Variants in KRT7 observed in about 807,000 individuals in gnomAD.
KRT7 encodes keratin, type II cytoskeletal 7.
In KRT7, 50 loss-of-function variants were observed where a neutral mutation model predicts 42.8. The observed-to-expected ratio is 1.17, with a 90% confidence interval of 0.93 to 1.48. The LOEUF (loss-of-function observed/expected upper bound fraction) is 1.48, where lower values mean the gene tolerates loss of function less well. Among genes scored for constraint, KRT7 ranks in the 40% most tolerant of loss-of-function variants. The probability of loss-of-function intolerance (pLI) is 0.00; values close to 1 mark genes in which losing one functional copy is unlikely to be tolerated. For missense variants in KRT7, 588 were observed against 637.6 expected (o/e 0.92, Z 0.84); for synonymous variants, 268 against 266.3 (o/e 1.01, Z -0.06).
chr12:52,242,797 C>T (rs555363360), intron 5 of KRT7, among the ~76,000 whole-genome samples: 5 of 152,206 alleles, frequency 3.3e-5, no homozygotes, highest in East Asian at 3.9e-4. Flanking sequence ...GATGGGACTG[C>T]GGAGCCTTGT....
At chr12:52,239,001 A>C (rs1301126194) in intron 4 of KRT7, among the ~76,000 whole-genome samples, 1 of 152,238 alleles carries the variant, frequency 6.6e-6, no homozygotes, top group Non-Finnish European at 1.5e-5. Flanking sequence ...CATGCCCAGC[A>C]CAGCCACAAC....
At position 52,233,381 on chromosome 12, in the gene KRT7, G is replaced by C; in HGVS notation, c.85G>C (p.Ala29Pro). ...CGGCGCCCAGGTGCGCCTGAGCTCC[G>C]CTCGCCCCGGCGGCCTTGGCAGCAG... is the stretch of plus-strand genomic sequence containing the variant. ...GRGAQVRLSS[A>P]RPGGLGSSSL... is the part of the protein sequence containing the mutation. Residue 29 changes from alanine (A) to proline (P), a missense_variant, in exon 1 of 9, where the codon GCT becomes CCT. Transcript: ENST00000331817. 1 of 1,567,838 alleles carries C rather than the reference G, an allele frequency of 6.4e-7. No homozygotes were observed. Among genetic ancestry groups the C allele is most frequent in the Non-Finnish European group, 8.6e-7 (1 of 1,163,302 alleles).
At chr12:52,245,826 G>C in intron 7 of KRT7, 194 bp downstream of exon 7, 1 of 695,278 alleles carries the variant, frequency 1.4e-6, no homozygotes, top group South Asian at 1.9e-5. Context: ...AAAGACCATG[G>C]AGTGTGAAGC....
At chr12:52,255,229 C>T, downstream of KRT7, 1 of 402,136 alleles carries the variant, frequency 2.5e-6, no homozygotes, top group Non-Finnish European at 5.0e-6. Flanking sequence ...CCCTCCACCT[C>T]TCCGAACTAC....
rs748629339 is a variant in KRT7, at chr12:52,233,447, G to A, written c.151G>A (p.Val51Met). 2.5e-6 allele frequency: 4 copies of A among 1,584,100 alleles called. No individual in the cohort carries two copies. Among genetic ancestry groups the A allele is most frequent in the Non-Finnish European group, 2.6e-6 (3 of 1,170,202 alleles). ...GLGASRPRVA[V>M]RSAYGGPVGA... ...CGGCGCCTCACGGCCGCGCGTGGCCGTGCGCTCTGCCTATGGGGGCCCGGT... is the reference window on the plus strand; with the variant it reads ...CGGCGCCTCACGGCCGCGCGTGGCCATGCGCTCTGCCTATGGGGGCCCGGT... Residue 51 changes from valine to methionine, a missense_variant, in exon 1 of 9, where the codon GTG becomes ATG. Transcript: ENST00000331817.
chr12:52,241,980 T>C (rs1970724), intron 5 of KRT7: 33,875 of 154,256 alleles, frequency 0.22, 3,950 homozygotes, highest in Middle Eastern at 0.27. Flanking sequence ...ATTTTATTTC[T>C]ATTTTTTGAG....
chr12:52,236,290 G>A (rs1174380210), intron 2 of KRT7, among the ~76,000 whole-genome samples: 1 of 152,062 alleles, frequency 6.6e-6, no homozygotes, highest in African/African-American at 2.4e-5. Context: ...TAGGGAAGGT[G>A]TGGGGCCATC....
At chr12:52,253,614 C>T (rs1367264742), downstream of KRT7, 2 of 1,577,248 alleles carry the variant, frequency 1.3e-6, no homozygotes, top group African/African-American at 1.3e-5. Context: ...GCTGCGGTAC[C>T]AGGACTCGGC....
At chr12:52,241,755 T>A in intron 5 of KRT7, 119 bp downstream of exon 5, 1 of 868,844 alleles carries the variant, frequency 1.2e-6, no homozygotes, top group Admixed American at 2.8e-5. Context: ...CAGGCACCAG[T>A]GGTTTAAGTC....
At chr12:52,238,096 C>T (rs1396489506) in intron 3 of KRT7, among the ~76,000 whole-genome samples, 2 of 152,160 alleles carry the variant, frequency 1.3e-5, no homozygotes, top group Non-Finnish European at 2.9e-5. Flanking sequence ...CAACTTGCCC[C>T]TGGGAGCTGG....
intron 2 of KRT7, among the ~76,000 whole-genome samples, chr12:52,236,201 C>CCA (rs1942010019): frequency 6.7e-6 from 1 of 150,362 alleles, no homozygotes; most frequent in African/African-American, 2.5e-5. Context: ...TGGAGTGCCC[C>CCA]CCCCCAACAC....
downstream of KRT7, chr12:52,250,525 C>G (rs555607269): frequency 1.7e-3 from 1,494 of 863,582 alleles, 21 homozygotes; most frequent in African/African-American, 0.023. Flanking sequence ...GCACACAGGC[C>G]GGTGCTCACC....
At chr12:52,255,736 CCTCCTTCTTACTTCCTTA>C (rs1026146874), downstream of KRT7, among the ~76,000 whole-genome samples, 4 of 152,206 alleles carry the variant, frequency 2.6e-5, no homozygotes, top group Admixed American at 2.6e-4. Flanking sequence ...TCTCCTTTCT[CCTCCTTCTTACTTCCTTA>C]CTCCTTTCCC....
intron 6 of KRT7, chr12:52,245,120 C>T: frequency 1.9e-6 from 1 of 524,820 alleles, no homozygotes; most frequent in Non-Finnish European, 3.4e-6. Context: ...TGTATATTAT[C>T]TCATTTCATC....
intron 1 of KRT7, 71 bp from the exon 2 acceptor site, chr12:52,235,084 A>T: frequency 7.0e-7 from 1 of 1,433,538 alleles, no homozygotes; most frequent in Non-Finnish European, 9.8e-7. Context: ...GCTAAAGATG[A>T]TGTTCCTCAA....
intron 1 of KRT7, among the ~76,000 whole-genome samples, chr12:52,234,194 G>C (rs1941976546): frequency 6.6e-6 from 1 of 151,708 alleles, no homozygotes; most frequent in Non-Finnish European, 1.5e-5. Flanking sequence ...TAGGTGGCAG[G>C]AGGAGAGGTT....
In KRT7 at chr12:52,237,523, T is replaced by C; in HGVS notation, c.551T>C (p.Ile184Thr). The C allele has an allele frequency of 6.2e-7, 1 of 1,611,140 alleles. No individual in the cohort carries two copies. Among genetic ancestry groups the C allele is most frequent in the African/African-American group, 1.3e-5 (1 of 74,834 alleles). Residue 184 changes from isoleucine (I) to threonine (T), a missense_variant, in exon 3 of 9, where the codon ATT becomes ACT. Ile to Thr is a moderately conservative substitution (Grantham distance 89). Transcript: ENST00000331817. ...CTCTACTGTAGGTACGAAGATGAAA[T>C]TAACCACCGCACAGCTGCTGAGAAT... is the stretch of plus-strand genomic sequence containing the variant. Reference protein sequence around the residue: ...EDFKNKYEDEINHRTAAENEF... With the variant: ...EDFKNKYEDETNHRTAAENEF...
rs377712857 is a variant in KRT7, at chr12:52,245,604, C to T, written c.1177C>T (p.Arg393Cys). The T allele has an allele frequency of 2.1e-5, 34 of 1,613,724 alleles. No individual in the cohort carries two copies. Among genetic ancestry groups the T allele is most frequent in the Middle Eastern group, 1.7e-4 (1 of 5,774 alleles). ...LALDIEIATY[R>C]KLLEGEESRL... ...CCTGGACATCGAGATCGCCACCTAC[C>T]GCAAGCTGCTGGAGGGCGAGGAGAG... Residue 393 changes from arginine to cysteine, a missense_variant, in exon 7 of 9, where the codon CGC becomes TGC. Coordinates refer to ENST00000331817, the MANE Select transcript of KRT7 (RefSeq NM_005556.4).
At position 52,248,202 on chromosome 12, in the gene KRT7, G is replaced by A. The variant is rs146634518; in HGVS notation, c.1231G>A (p.Val411Met). The change falls in exon 8 of 9, where the codon GTG (valine) becomes ATG (methionine). Residue 411 changes from valine to methionine, a missense_variant. By Grantham distance (21) the Val-to-Met change is conservative. Transcript: ENST00000331817. ...SRLAGDGVGA[V>M]NISVMNSTGG... is the part of the protein sequence containing the mutation. ...GTTGGCTGGAGATGGAGTGGGAGCC[G>A]TGAATATCTGTAAGTCCTTGGCTGC... 156 of 1,614,050 alleles carry A rather than the reference G, an allele frequency of 9.7e-5. 3 individuals carry two copies. In the South Asian group the frequency reaches 1.4e-3, roughly 15 times the overall value.
Sources: allele counts gnomAD v4.1 joint callset (sites outside exome capture counted in the v4.1 genomes callset), GRCh38; gene constraint gnomAD v4.1.1; transcripts MANE v1.5; gene names NCBI Gene and HGNC (gene_info 2026-07-23, HGNC 2026-07-21).